Variants in TTLL8 observed in about 807,000 individuals in gnomAD.
TTLL8 encodes the protein tubulin tyrosine ligase like 8.
TTLL8 carries 65 observed loss-of-function variants against 77.8 expected under a neutral mutation model. The ratio of observed to expected loss-of-function variants is 0.84; its 90% CI spans 0.68 to 1.03. The LOEUF is 1.03. Among genes scored for constraint, TTLL8 ranks in the 50% least tolerant of loss-of-function variants. The pLI, the probability that TTLL8 is intolerant of heterozygous loss-of-function variation, is 0.00. For synonymous variants in TTLL8, 402 were observed against 422.8 expected (o/e 0.95, Z 0.60); for missense variants, 910 against 1,004.5 (o/e 0.91, Z 1.27).
chr22:50,032,107 G>T, exon 11 of TTLL8: 1 of 1,357,102 alleles, frequency 7.4e-7, no homozygotes. Flanking sequence ...CAGGTGGATG[G>T]CGCTGCAGGG....
intron 3 of TTLL8, among the ~76,000 whole-genome samples, chr22:50,047,571 C>T (rs2061420505): frequency 6.6e-6 from 1 of 152,168 alleles, no homozygotes; most frequent in South Asian, 2.1e-4. Flanking sequence ...CGCATGGGGT[C>T]TACGTGGGTG....
intron 6 of TTLL8, 68 bp downstream of exon 8, chr22:50,045,187 G>A: frequency 7.8e-7 from 1 of 1,289,396 alleles, no homozygotes; most frequent in African/African-American, 1.5e-5. Context: ...CACCCAGGAG[G>A]CGGGAGGGCC....
chr22:50,043,784 T>C (rs2061391198), intron 6 of TTLL8, among the ~76,000 whole-genome samples: 1 of 152,104 alleles, frequency 6.6e-6, no homozygotes, highest in Non-Finnish European at 1.5e-5. Flanking sequence ...CCATGCTACG[T>C]GGTTCTAACC....
At chr22:50,049,075 C>A (rs2061429246) in intron 3 of TTLL8, 174 bp downstream of exon 5, 10 of 896,462 alleles carry the variant, frequency 1.1e-5, no homozygotes, top group Non-Finnish European at 1.2e-5. Context: ...CTCGCCCCAC[C>A]CCTGGGGGCA....
At position 50,034,968 on chromosome 22, in the gene TTLL8, G is replaced by A. The variant is rs566516399; in HGVS notation, c.922-506C>T. Among the ~76,000 whole-genome samples, 6 of 152,340 alleles carry A rather than the reference G, an allele frequency of 3.9e-5. No individual in the cohort carries two copies. In the East Asian group the frequency reaches 9.6e-4, roughly 24 times the overall value. ...GCCAGCTGCCAGCACCACATCCTGG[G>A]AGCTCAGCATCATTCTGACTCAAGA... On this transcript the variant is annotated intron_variant, in intron 8 of 13. Transcript: ENST00000266182. This position sits in a 1 kb window ranked among gnomAD's most constrained non-coding sequence, Gnocchi z 4.1.
chr22:50,029,799 C>T (rs1369423463), intron 12 of TTLL8, among the ~76,000 whole-genome samples: 6 of 151,570 alleles, frequency 4.0e-5, no homozygotes, highest in Non-Finnish European at 8.8e-5. Flanking sequence ...CTCGCGAGGA[C>T]CCCCCACCGC....
intron 12 of TTLL8, among the ~76,000 whole-genome samples, chr22:50,027,088 T>C (rs2146631160): frequency 6.6e-6 from 1 of 151,794 alleles, no homozygotes; most frequent in East Asian, 1.9e-4. Context: ...ACAAAAAAAT[T>C]AGCTGGGCGT....
At chr22:50,055,878 G>A (rs1488781261), upstream of TTLL8, among the ~76,000 whole-genome samples, 1 of 152,092 alleles carries the variant, frequency 6.6e-6, no homozygotes, top group Non-Finnish European at 1.5e-5. Context: ...TTAAAATGAG[G>A]CTGAGACCTA....
chr22:50,056,905 C>T (rs765460136), upstream of TTLL8: 4 of 1,289,608 alleles, frequency 3.1e-6, no homozygotes, highest in South Asian at 3.7e-5. The surrounding 1 kb of genome is among the most constrained non-coding windows in gnomAD (Gnocchi z 4.1). Context: ...GAAGAAGAAG[C>T]CAACGATAGC....
chr22:50,041,727 G>A lies in TTLL8; in HGVS notation c.724C>T (p.Leu242=). The change falls in exon 7 of 14, where the codon CTG becomes TTG. Residue 242 remains leucine (L), a synonymous_variant. Coordinates refer to ENST00000266182, the Ensembl canonical transcript of TTLL8. The surrounding 1 kb of genome is among the most constrained non-coding windows in gnomAD (Gnocchi z 4.3). The stretch of plus-strand genomic sequence containing the variant: ...ATGTCCTCATGCTCCAGCTGCCCCA[G>A]GTAGGCCTGGCACACCTTGCACGCG... 1 of 1,366,348 alleles carries A rather than the reference G, an allele frequency of 7.3e-7. No homozygotes were observed. Among genetic ancestry groups the A allele is most frequent in the Non-Finnish European group, 9.8e-7 (1 of 1,021,398 alleles). 84.6% of individuals were successfully genotyped at this position (1,366,348 alleles called of 1,614,324 possible). A position where few individuals can be genotyped will look rare whatever the true frequency, so the allele number is the denominator to read the frequency against.
intron 8 of TTLL8, among the ~76,000 whole-genome samples, chr22:50,037,181 G>A (rs922208586): frequency 2.0e-5 from 3 of 151,604 alleles, no homozygotes; most frequent in Admixed American, 6.6e-5. Context: ...TGCTCCACAC[G>A]TTGGCAAATA....
chr22:50,023,967 C>A (rs1186757784), intron 12 of TTLL8, among the ~76,000 whole-genome samples: 1 of 152,010 alleles, frequency 6.6e-6, no homozygotes, highest in Non-Finnish European at 1.5e-5. Context: ...TTGCAATGAG[C>A]TGAGATCATG....
intron 12 of TTLL8, among the ~76,000 whole-genome samples, chr22:50,020,710 C>T (rs1426469174): frequency 6.6e-6 from 1 of 151,852 alleles, no homozygotes; most frequent in Admixed American, 6.6e-5. Context: ...ACATGTACTC[C>T]TCCATCTGAC....
At chr22:50,026,990 T>C (rs1289741461) in intron 12 of TTLL8, among the ~76,000 whole-genome samples, 3 of 151,966 alleles carry the variant, frequency 2.0e-5, no homozygotes, top group African/African-American at 7.3e-5. Context: ...TCCCAGCACT[T>C]AGGGAGGCCG....
rs144190768 is a variant in TTLL8, at chr22:50,028,744, G to A, written c.2203+1686C>T. The stretch of plus-strand genomic sequence containing the variant: ...ACCCTCGTAAAGACCCCATCACACC[G>A]TCCTAAAGACCCCCACATACCCTCG... On this transcript the variant is annotated intron_variant, in intron 12 of 13. Transcript: ENST00000266182. Among the ~76,000 whole-genome samples the A allele has an allele frequency of 9.9e-3, 216 of 21,766 alleles. 4 individuals carry two copies. Among genetic ancestry groups the A allele is most frequent in the Non-Finnish European group, 0.015 (160 of 10,752 alleles). The allele number at this position is 21,766 out of a possible 152,430, so 14.3% of individuals were successfully genotyped here.
chr22:50,029,707 A>G (rs1391326276), intron 12 of TTLL8, among the ~76,000 whole-genome samples: 11 of 152,106 alleles, frequency 7.2e-5, no homozygotes, highest in South Asian at 4.1e-4. Context: ...CTTCAGCCTC[A>G]GCAACAGAGC....
At chr22:50,030,965 G>A (rs770803352) in intron 11 of TTLL8, 40 bp from the exon 13 acceptor site, 6 of 1,297,052 alleles carry the variant, frequency 4.6e-6, no homozygotes, top group Middle Eastern at 2.2e-4. Flanking sequence ...GGCTGTGGCC[G>A]GGATAGGGGG....
intron 8 of TTLL8, among the ~76,000 whole-genome samples, chr22:50,038,010 T>TACACAC (rs139308851): frequency 6.6e-6 from 1 of 150,948 alleles, no homozygotes; most frequent in African/African-American, 2.4e-5. Flanking sequence ...TAACATGTTA[T>TACACAC]ACACACACAC....
chr22:50,036,463 G>A lies in TTLL8; in HGVS notation c.922-2001C>T, dbSNP rs117816138. Among the ~76,000 whole-genome samples, 405 of 152,288 alleles carry A rather than the reference G, an allele frequency of 2.7e-3. 3 individuals carry two copies. The highest frequency in any genetic ancestry group is 4.6e-3 in the Non-Finnish European group (311 of 68,012). On this transcript the variant is annotated intron_variant, in intron 8 of 13. Coordinates refer to ENST00000266182, the Ensembl canonical transcript of TTLL8. Reference sequence around the variant, plus strand: ...ACACCACCCAGATCGAGACAGGAACGCCTGGGCTCCTCAACAGGAACGGAG... The same window carrying A: ...ACACCACCCAGATCGAGACAGGAACACCTGGGCTCCTCAACAGGAACGGAG...
Sources: gnomAD v4.1 joint callset for allele counts (sites outside exome capture counted in the v4.1 genomes callset) on GRCh38, gnomAD v4.1.1 for gene constraint, Gnocchi (gnomAD v3.1) non-coding constraint, MANE v1.5 for transcripts, NCBI Gene and HGNC (gene_info 2026-07-23, HGNC 2026-07-21) for gene names.